Variants in NPEPPS observed in about 807,000 individuals in gnomAD.
NPEPPS encodes aminopeptidase puromycin sensitive.
In NPEPPS, 14 loss-of-function variants were observed where a neutral mutation model predicts 115.5. That is an observed-to-expected ratio of 0.12 (90% CI 0.08 to 0.19). The LOEUF (loss-of-function observed/expected upper bound fraction) is 0.19, where lower values mean the gene tolerates loss of function less well. Ranked by LOEUF, NPEPPS falls within the 10% of genes least tolerant of loss-of-function variation. The probability of loss-of-function intolerance (pLI) is 1.00; values close to 1 mark genes in which losing one functional copy is unlikely to be tolerated. For synonymous variants in NPEPPS, 285 were observed against 390.6 expected, an observed-to-expected ratio of 0.73 and a Z score of 3.19; for missense variants, 523 against 1,110.8, an observed-to-expected ratio of 0.47 and a Z score of 7.52.
At chr17:47,596,731 A>G (rs1455089522) in intron 13 of NPEPPS, among the ~76,000 whole-genome samples, 1 of 152,232 alleles carries the variant, frequency 6.6e-6, no homozygotes, top group Non-Finnish European at 1.5e-5. Context: ...TTATTCTACA[A>G]ATGCAAGGTT....
intron 15 of NPEPPS, among the ~76,000 whole-genome samples, chr17:47,603,202 A>C (rs1007664705): frequency 2.0e-5 from 3 of 152,164 alleles, no homozygotes; most frequent in Non-Finnish European, 4.4e-5. Context: ...ACCTGAGGTC[A>C]GGAGTTCGAG....
chr17:47,570,000 C>T (rs1308111971), intron 3 of NPEPPS, among the ~76,000 whole-genome samples: 3 of 152,184 alleles, frequency 2.0e-5, no homozygotes, highest in East Asian at 3.9e-4. Flanking sequence ...CTACGAAAAG[C>T]AGGGTTTCCA....
At chr17:47,541,501 C>T (rs1908762977) in intron 1 of NPEPPS, among the ~76,000 whole-genome samples, 4 of 152,100 alleles carry the variant, frequency 2.6e-5, no homozygotes, top group South Asian at 2.1e-4. Context: ...CTCAGCCTCC[C>T]GAGTAGCTGG....
chr17:47,529,387 G>A (rs1367533452), upstream of NPEPPS, among the ~76,000 whole-genome samples: 6 of 146,250 alleles, frequency 4.1e-5, no homozygotes, highest in East Asian at 1.2e-3. Flanking sequence ...ATAGGCACAC[G>A]TCACCACACC....
In NPEPPS at chr17:47,618,426, T is replaced by G. The variant is rs1286874801; in HGVS notation, c.2372T>G (p.Leu791Arg). Residue 791 changes from leucine to arginine, a missense_variant, in exon 20 of 23, where the codon CTG (leucine) becomes CGG (arginine). Transcript: ENST00000322157. ...RVLGATLLPD[L>R]IQKVLTFALS... The stretch of plus-strand genomic sequence containing the variant: ...CTTGGCGCTACTCTTTTGCCTGACC[T>G]GATTCAAAAAGTCCTCACGTTTGCA... The G allele has an allele frequency of 6.2e-7, 1 of 1,613,724 alleles. No homozygotes were observed. Among genetic ancestry groups the G allele is most frequent in the African/African-American group, 1.3e-5 (1 of 74,924 alleles).
At chr17:47,539,429 A>G (rs60476385) in intron 1 of NPEPPS, among the ~76,000 whole-genome samples, 9,057 of 152,228 alleles carry the variant, frequency 0.059, 477 homozygotes, top group African/African-American at 0.13. Flanking sequence ...TTTATTTTAA[A>G]TTAGGAAATA....
chr17:47,557,079 G>T (rs1387875605), intron 2 of NPEPPS, among the ~76,000 whole-genome samples: 1 of 152,042 alleles, frequency 6.6e-6, no homozygotes, highest in African/African-American at 2.4e-5. Context: ...TACTTTGCAA[G>T]GTTTTTTTTT....
At chr17:47,614,777 A>G (rs1418826370) in intron 19 of NPEPPS, among the ~76,000 whole-genome samples, 1 of 152,126 alleles carries the variant, frequency 6.6e-6, no homozygotes, top group Non-Finnish European at 1.5e-5. Context: ...AAATGTGCAA[A>G]ATGTGCCTAA....
upstream of NPEPPS, among the ~76,000 whole-genome samples, chr17:47,529,848 A>G (rs1044568748): frequency 1.5e-5 from 2 of 135,778 alleles, no homozygotes; most frequent in Admixed American, 1.6e-4. Context: ...TAAAGAGGCC[A>G]TGATTGCTGA....
chr17:47,559,471 G>A (rs895183765), intron 2 of NPEPPS: 4 of 186,862 alleles, frequency 2.1e-5, no homozygotes, highest in East Asian at 1.6e-4. Flanking sequence ...GTAACTTCGC[G>A]TTACTTGCCA....
intron 13 of NPEPPS, among the ~76,000 whole-genome samples, chr17:47,597,645 G>A (rs1912961208): frequency 6.6e-6 from 1 of 152,108 alleles, no homozygotes; most frequent in Admixed American, 6.6e-5. Context: ...GGGATTACAG[G>A]TATGAGCCAC....
chr17:47,606,764 A>G (rs1329052820), intron 17 of NPEPPS, among the ~76,000 whole-genome samples: 3 of 152,286 alleles, frequency 2.0e-5, no homozygotes, highest in Admixed American at 6.5e-5. Context: ...TTATGTAGCT[A>G]GTAAATGCCA....
At chr17:47,535,492 A>G (rs1908163294) in intron 1 of NPEPPS, among the ~76,000 whole-genome samples, 1 of 147,528 alleles carries the variant, frequency 6.8e-6, no homozygotes, top group Non-Finnish European at 1.5e-5. Flanking sequence ...CGGAGCTTGC[A>G]GTGAGCCGAG....
upstream of NPEPPS, among the ~76,000 whole-genome samples, chr17:47,529,478 C>G (rs1907575597): frequency 6.7e-6 from 1 of 148,380 alleles, no homozygotes. Flanking sequence ...GATCTTGGCT[C>G]GCTGCAACCT....
chr17:47,611,491 C>G (rs114309171), intron 17 of NPEPPS, among the ~76,000 whole-genome samples: 2,048 of 151,358 alleles, frequency 0.014, 54 homozygotes, highest in African/African-American at 0.046. Context: ...AGGTCTTGCT[C>G]TGTGCCCAGG....
intron 19 of NPEPPS, among the ~76,000 whole-genome samples, chr17:47,618,031 G>A (rs980955601): frequency 4.0e-5 from 6 of 150,748 alleles, no homozygotes; most frequent in African/African-American, 7.3e-5. Context: ...GCACCACCAC[G>A]CCCGGCTAAT....
chr17:47,588,398 C>G (rs1164339262), intron 9 of NPEPPS, among the ~76,000 whole-genome samples: 2 of 151,682 alleles, frequency 1.3e-5, no homozygotes, highest in Admixed American at 6.6e-5. Flanking sequence ...CCCATCTCCA[C>G]TAAAAAAAAT....
intron 13 of NPEPPS, among the ~76,000 whole-genome samples, chr17:47,596,980 G>A (rs951914549): frequency 2.0e-5 from 3 of 151,942 alleles, no homozygotes; most frequent in Non-Finnish European, 4.4e-5. Context: ...CTCGAGAGGT[G>A]GAAGTTGCAG....
intron 9 of NPEPPS, among the ~76,000 whole-genome samples, chr17:47,589,401 G>A (rs1051063819): frequency 1.3e-5 from 2 of 151,956 alleles, no homozygotes; most frequent in African/African-American, 4.8e-5. Flanking sequence ...GACCACAGGT[G>A]TGTGTCACCA....
Sources: gnomAD v4.1 joint callset for allele counts (sites outside exome capture counted in the v4.1 genomes callset) on GRCh38, gnomAD v4.1.1 for gene constraint, MANE v1.5 for transcripts, NCBI Gene and HGNC (gene_info 2026-07-23, HGNC 2026-07-21) for gene names.